ERBB4: variants seen among roughly 807,000 people sequenced by gnomAD.
ERBB4 encodes receptor tyrosine-protein kinase erbB-4.
A neutral mutation model predicts 158.0 loss-of-function variants in ERBB4; 42 were observed. The ratio of observed to expected loss-of-function variants is 0.27; its 90% CI spans 0.21 to 0.34. The LOEUF is 0.34. Ranked by LOEUF, ERBB4 falls within the 10% of genes least tolerant of loss-of-function variation. The pLI, the probability that ERBB4 is intolerant of heterozygous loss-of-function variation, is 1.00. For missense variants in ERBB4, 1,333 were observed against 1,624.1 expected, an observed-to-expected ratio of 0.82 and a Z score of 3.08; for synonymous variants, 583 against 558.7, an observed-to-expected ratio of 1.04 and a Z score of -0.61.
intron 17 of ERBB4, among the ~76,000 whole-genome samples, chr2:211,628,640 G>C (rs1160719364): frequency 6.6e-6 from 1 of 152,192 alleles, no homozygotes; most frequent in East Asian, 1.9e-4. Flanking sequence ...ACATGTGCAT[G>C]TGTCTTTATA....
intron 1 of ERBB4, among the ~76,000 whole-genome samples, chr2:212,388,851 T>C (rs1465080637): frequency 6.6e-6 from 1 of 152,098 alleles, no homozygotes; most frequent in African/African-American, 2.4e-5. Context: ...AAGAATTTAT[T>C]TTCTAATTTC....
At chr2:212,138,665 TA>T (rs201330556) in intron 1 of ERBB4, among the ~76,000 whole-genome samples, 4,310 of 152,276 alleles carry the variant, frequency 0.028, 143 homozygotes, top group African/African-American at 0.078. Flanking sequence ...TAGGATACCT[TA>T]ACAAATGTTT....
intron 1 of ERBB4, among the ~76,000 whole-genome samples, chr2:212,244,088 C>T (rs1054427811): frequency 2.6e-5 from 4 of 151,896 alleles, no homozygotes; most frequent in East Asian, 1.9e-4. Flanking sequence ...AAAAACCTTA[C>T]GGTTTCAACA....
At chr2:211,835,378 A>G (rs1466880441) in intron 3 of ERBB4, among the ~76,000 whole-genome samples, 1 of 94,968 alleles carries the variant, frequency 1.1e-5, no homozygotes, top group East Asian at 3.5e-4. Flanking sequence ...GACTCTCTAC[A>G]TAAAACCACT....
At chr2:212,191,814 GT>G (rs2082243314) in intron 1 of ERBB4, among the ~76,000 whole-genome samples, 1 of 133,422 alleles carries the variant, frequency 7.5e-6, no homozygotes, top group African/African-American at 2.7e-5. Flanking sequence ...TATAATACAT[GT>G]TATATATGTT....
chr2:211,396,897 G>C (rs1225408743), intron 25 of ERBB4, among the ~76,000 whole-genome samples: 1 of 152,150 alleles, frequency 6.6e-6, no homozygotes, highest in East Asian at 1.9e-4. Flanking sequence ...TGGCACAGCT[G>C]TTGCCGTAAG....
intron 14 of ERBB4, among the ~76,000 whole-genome samples, chr2:211,668,651 A>T (rs2105927433): frequency 6.6e-6 from 1 of 152,244 alleles, no homozygotes; most frequent in South Asian, 2.1e-4. Flanking sequence ...AGACATATTT[A>T]TTATTCACCA....
intron 1 of ERBB4, among the ~76,000 whole-genome samples, chr2:212,146,596 T>C (rs969517401): frequency 2.0e-5 from 3 of 152,146 alleles, no homozygotes; most frequent in Admixed American, 6.5e-5. Flanking sequence ...TGAGATTCCA[T>C]AGCAAGGCCA....
chr2:212,003,199 AAGAAAGAC>A (rs1217060398), intron 2 of ERBB4, among the ~76,000 whole-genome samples: 1,000 of 54,408 alleles, frequency 0.018, 75 homozygotes, highest in Admixed American at 0.033. Context: ...GAAAGAAAGA[AAGAAAGAC>A]AGAAAGAAGG....
rs142083205 is a variant in ERBB4, at chr2:211,556,892, G to A, written c.2487+5011C>T. Among the ~76,000 whole-genome samples, 935 of 152,226 alleles carry A rather than the reference G, an allele frequency of 6.1e-3. 11 individuals carry two copies. Among genetic ancestry groups the A allele is most frequent in the African/African-American group, 0.021 (890 of 41,548 alleles). ...AGGGCTATGGTATCCAACACAGCATGGTACTGGTACAAAAACAGACACATA... is the reference window on the plus strand; with the variant it reads ...AGGGCTATGGTATCCAACACAGCATAGTACTGGTACAAAAACAGACACATA... On this transcript the variant is annotated intron_variant, in intron 20 of 27. Transcript: ENST00000342788.
rs550058552 is a variant in ERBB4 at position 212,218,378 on chromosome 2, A to C, written c.83-93475T>G. Reference sequence around the variant, plus strand: ...AACTCTATTCTTCAAAGAGTAAAACATCCTGGCTACAGCATTCATCCCTTT... The same window carrying C: ...AACTCTATTCTTCAAAGAGTAAAACCTCCTGGCTACAGCATTCATCCCTTT... On this transcript the variant is annotated intron_variant, in intron 1 of 27. Coordinates refer to ENST00000342788, the MANE Select transcript of ERBB4 (RefSeq NM_005235.3). 5.3e-4 allele frequency among the ~76,000 whole-genome samples: 81 copies of C among 151,436 alleles called. 1 individual carries two copies. The highest frequency in any genetic ancestry group is 4.3e-3 in the East Asian group (22 of 5,132).
chr2:211,497,573 A>C (rs968535665), intron 20 of ERBB4, among the ~76,000 whole-genome samples: 1 of 152,144 alleles, frequency 6.6e-6, no homozygotes, highest in Non-Finnish European at 1.5e-5. Context: ...AGTGAAGCAC[A>C]TTATAAAAAA....
intron 2 of ERBB4, among the ~76,000 whole-genome samples, chr2:211,959,537 C>T (rs2081124752): frequency 6.6e-6 from 1 of 151,980 alleles, no homozygotes. Context: ...TAGAGAGGCA[C>T]TTTGTGCCTA....
intron 1 of ERBB4, among the ~76,000 whole-genome samples, chr2:212,505,216 C>A (rs1691124504): frequency 6.6e-6 from 1 of 152,154 alleles, no homozygotes; most frequent in African/African-American, 2.4e-5. Context: ...CCTGCCTCAG[C>A]CTCCCGAGTA....
chr2:212,398,448 T>C (rs960926409), intron 1 of ERBB4, among the ~76,000 whole-genome samples: 2 of 152,142 alleles, frequency 1.3e-5, no homozygotes, highest in Non-Finnish European at 2.9e-5. Context: ...TTTATGGCTA[T>C]ACAAGATCAA....
intron 4 of ERBB4, among the ~76,000 whole-genome samples, chr2:211,785,344 G>T (rs751040993): frequency 1.3e-5 from 2 of 152,044 alleles, no homozygotes; most frequent in Non-Finnish European, 2.9e-5. Flanking sequence ...CGCGTGATCC[G>T]CCCACCTCAG....
chr2:212,184,555 T>C (rs2081962636), intron 1 of ERBB4, among the ~76,000 whole-genome samples: 1 of 152,110 alleles, frequency 6.6e-6, no homozygotes, highest in African/African-American at 2.4e-5. Context: ...CACTTACATC[T>C]GGCCCTAGCA....
intron 1 of ERBB4, among the ~76,000 whole-genome samples, chr2:212,349,287 TCACACA>T (rs3040350): frequency 0.01 from 1,504 of 146,448 alleles, 24 homozygotes; most frequent in African/African-American, 0.033. Flanking sequence ...AACTTCTTAA[TCACACA>T]CACACACACA....
In ERBB4 at chr2:212,421,549, G is replaced by C. The variant is rs554351991; in HGVS notation, c.82+116900C>G. The stretch of plus-strand genomic sequence containing the variant: ...TGAGAAACCACTTTCCTTGGGAGCT[G>C]TCATTTTGGGATATTGTCAGTAAGA... On this transcript the variant is annotated intron_variant, in intron 1 of 27. Transcript: ENST00000342788. Among the ~76,000 whole-genome samples the C allele has an allele frequency of 1.3e-3, 194 of 152,230 alleles. 2 individuals carry two copies. Among genetic ancestry groups the C allele is most frequent in the African/African-American group, 4.4e-3 (184 of 41,558 alleles).
Sources: allele counts gnomAD v4.1 joint callset (sites outside exome capture counted in the v4.1 genomes callset), GRCh38; gene constraint gnomAD v4.1.1; transcripts MANE v1.5; gene names NCBI Gene and HGNC (gene_info 2026-07-23, HGNC 2026-07-21).